UNC13C: variants seen among roughly 807,000 people sequenced by gnomAD.
The protein encoded by UNC13C is protein unc-13 homolog C.
UNC13C carries 174 observed loss-of-function variants against 245.4 expected under a neutral mutation model. That is an observed-to-expected ratio of 0.71 (90% CI 0.63 to 0.80). The LOEUF is 0.80. UNC13C is among the 30% of genes least tolerant of loss of function. UNC13C has a pLI of 0.00. For synonymous variants in UNC13C, 992 were observed against 895.1 expected, an observed-to-expected ratio of 1.11 and a Z score of -1.93; for missense variants, 2,829 against 2,602.9, an observed-to-expected ratio of 1.09 and a Z score of -1.89.
At chr15:54,232,073 G>T (rs754039352) in intron 4 of UNC13C, among the ~76,000 whole-genome samples, 2 of 151,970 alleles carry the variant, frequency 1.3e-5, no homozygotes, top group Non-Finnish European at 2.9e-5. Context: ...ATGAGGTGAG[G>T]TCAGTAAGGT....
At position 54,627,453 on chromosome 15, in the gene UNC13C, A is replaced by G. The variant is rs1302948684; in HGVS notation, c.*340A>G. On this transcript the variant is annotated 3_prime_UTR_variant, in exon 33 of 33. Transcript: ENST00000260323. ...TCAGTTGTCTTTGTTAAATGAGATT[A>G]TATTGCCCATAGATCAGAAAACATT... 5.6e-6 allele frequency: 1 copy of G among 180,086 alleles called. No individual in the cohort carries two copies. Among genetic ancestry groups the G allele is most frequent in the African/African-American group, 2.4e-5 (1 of 42,242 alleles). 11.2% of individuals were successfully genotyped at this position (180,086 alleles called of 1,614,324 possible).
chr15:54,114,040 C>T (rs924774927), intron 2 of UNC13C, among the ~76,000 whole-genome samples: 1 of 152,136 alleles, frequency 6.6e-6, no homozygotes, highest in African/African-American at 2.4e-5. Context: ...ACATACAGCT[C>T]TGCCTCACCA....
At chr15:54,132,894 A>G (rs1162321026) in intron 2 of UNC13C, among the ~76,000 whole-genome samples, 1 of 152,212 alleles carries the variant, frequency 6.6e-6, no homozygotes, top group African/African-American at 2.4e-5. Context: ...GTGGAACTCA[A>G]TTTACATACA....
At chr15:54,062,179 C>A (rs1328989222) in intron 2 of UNC13C, among the ~76,000 whole-genome samples, 1 of 151,862 alleles carries the variant, frequency 6.6e-6, no homozygotes, top group East Asian at 1.9e-4. Flanking sequence ...ATTAGCCAGG[C>A]GTGGTGGCAG....
At chr15:53,957,827 T>C in the UNC13C span, among the ~76,000 whole-genome samples, 1 of 152,210 alleles carries the variant, frequency 6.6e-6, no homozygotes, top group African/African-American at 2.4e-5. Flanking sequence ...CAGCCTTGCA[T>C]GGGCATCAGC....
intron 4 of UNC13C, among the ~76,000 whole-genome samples, chr15:54,186,237 C>T (rs541640647): frequency 7.9e-4 from 121 of 152,270 alleles, no homozygotes; most frequent in African/African-American, 2.7e-3. Flanking sequence ...TTGACTTCCT[C>T]TTTTCCAAAT....
chr15:54,012,467 G>A (rs971369181), intron 1 of UNC13C, among the ~76,000 whole-genome samples, 181 bp from the exon 2 acceptor site: 1 of 152,080 alleles, frequency 6.6e-6, no homozygotes, highest in Non-Finnish European at 1.5e-5. Flanking sequence ...CATAGTTATT[G>A]GTAGTGATTT....
At chr15:54,227,947 C>T (rs911765395) in intron 4 of UNC13C, among the ~76,000 whole-genome samples, 5 of 152,180 alleles carry the variant, frequency 3.3e-5, no homozygotes, top group South Asian at 2.1e-4. Flanking sequence ...ATAGTGAGTT[C>T]GCTCTCATTG....
the UNC13C span, among the ~76,000 whole-genome samples, chr15:53,897,285 G>A: frequency 6.6e-6 from 1 of 152,120 alleles, no homozygotes; most frequent in Non-Finnish European, 1.5e-5. Context: ...AGTCCTCAAT[G>A]GGGTCCAATG....
At chr15:54,112,674 CT>C (rs1432704699) in intron 2 of UNC13C, among the ~76,000 whole-genome samples, 15 of 152,158 alleles carry the variant, frequency 9.9e-5, no homozygotes, top group African/African-American at 3.6e-4. Flanking sequence ...TTACAGGCTG[CT>C]TTTTGTTAGA....
intron 30 of UNC13C, among the ~76,000 whole-genome samples, chr15:54,617,429 T>G (rs1439105690): frequency 6.6e-6 from 1 of 151,996 alleles, no homozygotes; most frequent in Admixed American, 6.6e-5. Context: ...ATACTATATC[T>G]TATAAGTTAG....
At position 54,255,312 on chromosome 15, in the gene UNC13C, T is replaced by C. The variant is rs139205412; in HGVS notation, c.3448+4868T>C. On this transcript the variant is annotated intron_variant, in intron 8 of 32. Transcript: ENST00000260323. ...CTTGGAGAATGAGTGCAAGGTTTTA[T>C]TGAGTGGAAGTAGCTTTCAGCAGAT... 2.6e-3 allele frequency among the ~76,000 whole-genome samples: 400 copies of C among 152,232 alleles called. 2 individuals are homozygous for C. Among genetic ancestry groups the C allele is most frequent in the African/African-American group, 9.3e-3 (385 of 41,528 alleles).
At chr15:54,560,973 A>G (rs565101116) in intron 29 of UNC13C, among the ~76,000 whole-genome samples, 1 of 152,144 alleles carries the variant, frequency 6.6e-6, no homozygotes, top group South Asian at 2.1e-4. Context: ...TTCTACTCTT[A>G]AGCCCAAGAC....
chr15:54,430,655 T>A (rs911761290), intron 19 of UNC13C, among the ~76,000 whole-genome samples: 1 of 151,710 alleles, frequency 6.6e-6, no homozygotes, highest in Non-Finnish European at 1.5e-5. Flanking sequence ...AGGAGTTATC[T>A]TAAGTCTTGT....
At chr15:54,202,942 G>A (rs61311254) in intron 4 of UNC13C, among the ~76,000 whole-genome samples, 12,413 of 151,724 alleles carry the variant, frequency 0.082, 704 homozygotes, top group African/African-American at 0.15. Flanking sequence ...AATATCCAGA[G>A]TTTACAGGAA....
chr15:54,110,152 C>T (rs1013625142), intron 2 of UNC13C, among the ~76,000 whole-genome samples: 4 of 151,794 alleles, frequency 2.6e-5, no homozygotes, highest in Admixed American at 6.6e-5. Context: ...TGGTAGCACA[C>T]ACCTATAATC....
intron 4 of UNC13C, among the ~76,000 whole-genome samples, chr15:54,170,358 C>CGT (rs1211949462): frequency 6.6e-6 from 1 of 151,982 alleles, no homozygotes; most frequent in Admixed American, 6.6e-5. Context: ...GTATAGCACA[C>CGT]AGGTGATTAT....
rs770835714 is a variant in UNC13C at position 54,494,637 on chromosome 15, A to G, written c.4963A>G (p.Thr1655Ala). ...TGAAAATCAGCGGTTATGCAAGAGC[A>G]CCGATTATATGAATTTGCATTTCAA... Reference protein sequence around the residue: ...EHENQRLCKSTDYMNLHFKVK... With the variant: ...EHENQRLCKSADYMNLHFKVK... The change falls in exon 20 of 33, where the codon ACC becomes GCC. Residue 1655 changes from threonine (T) to alanine (A), a missense_variant. By Grantham distance (58) the Thr-to-Ala change is moderately conservative. Coordinates refer to ENST00000260323, the MANE Select transcript of UNC13C (RefSeq NM_001080534.3). 4.3e-6 allele frequency: 7 copies of G among 1,610,354 alleles called. No individual in the cohort carries two copies. Among genetic ancestry groups the G allele is most frequent in the African/African-American group, 4.0e-5 (3 of 74,808 alleles).
intron 2 of UNC13C, chr15:54,050,266 C>T (rs921269348): frequency 4.5e-5 from 25 of 560,718 alleles, no homozygotes; most frequent in Non-Finnish European, 6.3e-5. Flanking sequence ...GCCACTGTGT[C>T]GGCCACTGAA....
Sources: gnomAD v4.1 joint callset for allele counts (sites outside exome capture counted in the v4.1 genomes callset) on GRCh38, gnomAD v4.1.1 for gene constraint, MANE v1.5 for transcripts, NCBI Gene and HGNC (gene_info 2026-07-23, HGNC 2026-07-21) for gene names.